The following CYP27B1 variants were observed in gnomAD, a reference collection of about 807,000 sequenced individuals.
CYP27B1 encodes cytochrome P450 family 27 subfamily B member 1.
A neutral mutation model predicts 54.8 loss-of-function variants in CYP27B1; 46 were observed. That is an observed-to-expected ratio of 0.84 (90% CI 0.66 to 1.07). The LOEUF (loss-of-function observed/expected upper bound fraction) is 1.07. CYP27B1 is among the 50% of genes least tolerant of loss of function. The pLI, the probability that CYP27B1 is intolerant of heterozygous loss-of-function variation, is 0.00. For synonymous variants in CYP27B1, 292 were observed against 297.3 expected, an observed-to-expected ratio of 0.98 and a Z score of 0.18; for missense variants, 674 against 692.2, an observed-to-expected ratio of 0.97 and a Z score of 0.30.
chr12:57,763,942 A>G, intron 7 of CYP27B1, 134 bp from the exon 8 acceptor site: 2 of 1,081,526 alleles, frequency 1.8e-6, no homozygotes, highest in Non-Finnish European at 2.8e-6. Context: ...TTTTGGAAGG[A>G]TCTCCCCACT....
At position 57,765,644 on chromosome 12, in the gene CYP27B1, C is replaced by T. The variant is rs760297586; in HGVS notation, c.387-145G>A. On this transcript the variant is annotated intron_variant, in intron 2 of 8. Transcript: ENST00000228606. This position sits in a 1 kb window ranked among gnomAD's most constrained non-coding sequence, Gnocchi z 5.8. Reference sequence around the variant, plus strand: ...GGGTACGGAAACCTGCACCGGCCTGCGCCTGTCTTCCAGCCCCCTTCCTCT... The same window carrying T: ...GGGTACGGAAACCTGCACCGGCCTGTGCCTGTCTTCCAGCCCCCTTCCTCT... 2 of 967,310 alleles carry T rather than the reference C, an allele frequency of 2.1e-6. No homozygotes were observed. Among genetic ancestry groups the T allele is most frequent in the Admixed American group, 2.0e-5 (1 of 50,252 alleles). The allele number at this position is 967,310 out of a possible 1,614,324, so 59.9% of individuals were successfully genotyped here. A position where few individuals can be genotyped will look rare whatever the true frequency, so the allele number is the denominator to read the frequency against.
At chr12:57,764,590 G>C in intron 5 of CYP27B1, 40 bp from the exon 6 acceptor site, 1 of 1,608,542 alleles carries the variant, frequency 6.2e-7, no homozygotes, top group Non-Finnish European at 8.5e-7. Context: ...TTGGGTGTGA[G>C]AACCCAGCAG....
intron 1 of CYP27B1, 147 bp from the exon 2 acceptor site, chr12:57,766,344 T>G: frequency 9.4e-7 from 1 of 1,063,828 alleles, no homozygotes; most frequent in Non-Finnish European, 1.3e-6. Context: ...CCTTTGATAC[T>G]GCAAACTCCT....
At position 57,764,867 on chromosome 12, in the gene CYP27B1, C is replaced by T. The variant is rs1338661449; in HGVS notation, c.850G>A (p.Glu284Lys). The T allele has an allele frequency of 1.2e-6, 2 of 1,614,072 alleles. No homozygotes were observed. The highest frequency in any genetic ancestry group is 1.7e-6 in the Non-Finnish European group (2 of 1,180,050). ...EAAMRNGGQP[E>K]KDLESGAHLT... ...TGCGCCCCAGACTCCAGGTCCTTCT[C>T]GGGCTGTCCTCCGTTCCTCATGGCT... Residue 284 changes from glutamate (E) to lysine (K), a missense_variant, in exon 5 of 9, where the codon GAG becomes AAG. Physicochemically the swap from Glu to Lys is moderately conservative, Grantham distance 56. Coordinates refer to ENST00000228606, the MANE Select transcript of CYP27B1 (RefSeq NM_000785.4).
rs1184786216 is a variant in CYP27B1, at chr12:57,764,526, G to T, written c.988C>A (p.Leu330Met). 4 of 1,614,146 alleles carry T rather than the reference G, an allele frequency of 2.5e-6. No individual in the cohort carries two copies. In the African/African-American group the frequency reaches 5.3e-5, roughly 22 times the overall value. Residue 330 changes from leucine (L) to methionine (M), a missense_variant, in exon 6 of 9, where the codon CTG becomes ATG. Coordinates refer to ENST00000228606, the MANE Select transcript of CYP27B1 (RefSeq NM_000785.4). Reference protein sequence around the residue: ...DTVSNTLSWALYELSRHPEVQ... With the variant: ...DTVSNTLSWAMYELSRHPEVQ... ...TCGGGGTGCCGGGAGAGCTCATACA[G>T]AGCCCAAGAGAGCGTGTTGGACACC...
In CYP27B1 at chr12:57,763,227, T is replaced by C. The variant is rs772383081; in HGVS notation, c.1442A>G (p.Glu481Gly). The change falls in exon 9 of 9, where the codon GAG becomes GGG. Residue 481 changes from glutamate (E) to glycine (G), a missense_variant. Physicochemically the swap from Glu to Gly is moderately conservative, Grantham distance 98. Coordinates refer to ENST00000228606, the MANE Select transcript of CYP27B1 (RefSeq NM_000785.4). ...QILTHFEVQPEPGAAPVRPKT... is the reference protein window; with the variant it reads ...QILTHFEVQPGPGAAPVRPKT... ...GGGTCTAACTGGGGCCGCACCTGGC[T>C]CAGGCTGCACCTCAAAATGTGTTAG... The C allele has an allele frequency of 6.2e-7, 1 of 1,614,134 alleles. No homozygotes were observed. Among genetic ancestry groups the C allele is most frequent in the Non-Finnish European group, 8.5e-7 (1 of 1,179,994 alleles).
rs1459636120 is a variant in CYP27B1 at position 57,765,357 on chromosome 12, T to TGCCACGTCCCCGC, written c.516_528dup (p.Thr177AlafsTer160). ...TCCCGAACCAGGGCGGGCGGCCCCG[T>TGCCACGTCCCCGC]GCCACGTCCCCGCTGGCGCCTCAGA... On this transcript the variant is annotated frameshift_variant, in exon 3 of 9. Coordinates refer to ENST00000228606, the MANE Select transcript of CYP27B1 (RefSeq NM_000785.4). LOFTEE classifies it high-confidence loss of function. The surrounding 1 kb of genome is among the most constrained non-coding windows in gnomAD (Gnocchi z 5.8). 1.6e-5 allele frequency: 26 copies of TGCCACGTCCCCGC among 1,613,290 alleles called. No individual in the cohort carries two copies. Among genetic ancestry groups the TGCCACGTCCCCGC allele is most frequent in the Non-Finnish European group, 2.0e-5 (24 of 1,179,814 alleles).
intron 1 of CYP27B1, chr12:57,766,610 A>C: frequency 3.3e-6 from 2 of 597,194 alleles, no homozygotes; most frequent in Non-Finnish European, 5.9e-6. Context: ...TATCTGCAGG[A>C]TCTCCACACC....
Position 57,765,113 on chromosome 12 carries a change from C to G in CYP27B1, c.688G>C (p.Val230Leu), listed in dbSNP as rs1382758029. Reference protein sequence around the residue: ...TFIRAVGSVFVSTLLTMAMPH... With the variant: ...TFIRAVGSVFLSTLLTMAMPH... ...ATCGCCATGGTCAACAGCGTGGACA[C>G]AAACACCGAGCCCACAGCGCGGATG... is the stretch of plus-strand genomic sequence containing the variant. Residue 230 changes from valine to leucine, a missense_variant, in exon 4 of 9, where the codon GTG becomes CTG. Val to Leu is a conservative substitution (Grantham distance 32). Transcript: ENST00000228606. The surrounding 1 kb of genome is among the most constrained non-coding windows in gnomAD (Gnocchi z 5.8). The G allele has an allele frequency of 1.9e-6, 3 of 1,613,898 alleles. No individual in the cohort carries two copies. The highest frequency in any genetic ancestry group is 3.3e-5 in the Admixed American group (2 of 60,014).
Position 57,765,023 on chromosome 12 carries a change from T to A in CYP27B1, c.778A>T (p.Met260Leu). The A allele has an allele frequency of 1.9e-6, 3 of 1,613,820 alleles. No individual in the cohort carries two copies. The highest frequency in any genetic ancestry group is 2.5e-6 in the Non-Finnish European group (3 of 1,180,012). The stretch of plus-strand genomic sequence containing the variant: ...ACCTGTGCCTTACCAAATGCAAACA[T>A]CTGGTCCCAGTCTCGGCAGAGGCGG... ...WGRLCRDWDQ[M>L]FAFAQRHVER... The change falls in exon 4 of 9, where the codon ATG becomes TTG. Residue 260 changes from methionine to leucine, a missense_variant. Coordinates refer to ENST00000228606, the MANE Select transcript of CYP27B1 (RefSeq NM_000785.4). This position sits in a 1 kb window ranked among gnomAD's most constrained non-coding sequence, Gnocchi z 5.8.
In CYP27B1 at chr12:57,765,223, G is replaced by C; in HGVS notation, c.590-12C>G. 6.2e-7 allele frequency: 1 copy of C among 1,611,772 alleles called. No individual in the cohort carries two copies. Among genetic ancestry groups the C allele is most frequent in the Non-Finnish European group, 8.5e-7 (1 of 1,179,192 alleles). On this transcript the variant is annotated splice_polypyrimidine_tract_variant and intron_variant, in intron 3 of 8. Transcript: ENST00000228606. This position sits in a 1 kb window ranked among gnomAD's most constrained non-coding sequence, Gnocchi z 5.8. ...AACCGCGGCGATGCCTTGTCGGGAG[G>C]GGGCGCCGTCAGGGTTCCGGGAGGC...
In CYP27B1 at chr12:57,766,152, CA is replaced by C. The variant is rs1363167632; in HGVS notation, c.240del (p.Phe80LeufsTer79). Reference protein sequence around the residue: ...AHFGPVWLASFGTVRTVYVAA... With the variant: ...AHFGPVWLASXGTVRTVYVAA... ...GCCACGTACACGGTGCGCACTGTCC[CA>C]AAGCTGGCTAGCCACACCGGCCCGA... On this transcript the variant is annotated frameshift_variant, in exon 2 of 9. Transcript: ENST00000228606. LOFTEE classifies it high-confidence loss of function. The C allele has an allele frequency of 1.3e-6, 2 of 1,546,926 alleles. No homozygotes were observed. Among genetic ancestry groups the C allele is most frequent in the South Asian group, 2.4e-5 (2 of 84,282 alleles).
chr12:57,765,329 A>G lies in CYP27B1; in HGVS notation c.557T>C (p.Val186Ala). The change falls in exon 3 of 9, where the codon GTG (valine) becomes GCG (alanine). Residue 186 changes from valine (V) to alanine (A), a missense_variant. Coordinates refer to ENST00000228606, the MANE Select transcript of CYP27B1 (RefSeq NM_000785.4). This position sits in a 1 kb window ranked among gnomAD's most constrained non-coding sequence, Gnocchi z 5.8. ...GTGPPALVRD[V>A]AGEFYKFGLE... ...TCCGAACTTGTAAAATTCCCCCGCC[A>G]CGTCCCGAACCAGGGCGGGCGGCCC... The G allele has an allele frequency of 6.2e-7, 1 of 1,613,358 alleles. No individual in the cohort carries two copies. Among genetic ancestry groups the G allele is most frequent in the Non-Finnish European group, 8.5e-7 (1 of 1,179,814 alleles).
At position 57,764,740 on chromosome 12, in the gene CYP27B1, A is replaced by T. The variant is rs770031341; in HGVS notation, c.963+14T>A. The T allele has an allele frequency of 3.1e-6, 5 of 1,613,962 alleles. No individual in the cohort carries two copies. The highest frequency in any genetic ancestry group is 8.5e-7 in the Non-Finnish European group (1 of 1,179,914). On this transcript the variant is annotated intron_variant, in intron 5 of 8. Transcript: ENST00000228606. Reference sequence around the variant, plus strand: ...GCCCTGGAACCGGCTCACAGCACGGAGGGAGAACCTCACCGTGTCCACTCC... The same window carrying T: ...GCCCTGGAACCGGCTCACAGCACGGTGGGAGAACCTCACCGTGTCCACTCC...
Position 57,764,868 on chromosome 12 carries a change from G to C in CYP27B1, c.849C>G (p.Pro283=). The C allele has an allele frequency of 1.9e-6, 3 of 1,614,138 alleles. No individual in the cohort carries two copies. Among genetic ancestry groups the C allele is most frequent in the Non-Finnish European group, 2.5e-6 (3 of 1,180,030 alleles). Residue 283 remains proline (P), a synonymous_variant, in exon 5 of 9, where the codon CCC becomes CCG. Transcript: ENST00000228606. ...GCGCCCCAGACTCCAGGTCCTTCTC[G>C]GGCTGTCCTCCGTTCCTCATGGCTG... The part of the protein sequence containing the change: ...AEAAMRNGGQ[P]EKDLESGAHL...
intron 7 of CYP27B1, 28 bp downstream of exon 7, chr12:57,764,070 G>A: frequency 6.4e-7 from 1 of 1,564,248 alleles, no homozygotes; most frequent in Non-Finnish European, 8.8e-7. Flanking sequence ...GAATGGCTCA[G>A]TAGAAAGGGT....
chr12:57,763,305 G>A, intron 8 of CYP27B1, 50 bp from the exon 9 acceptor site: 1 of 1,331,530 alleles, frequency 7.5e-7, no homozygotes, highest in Non-Finnish European at 1.1e-6. Flanking sequence ...CTATAATGGG[G>A]GGATTCATTG....
In CYP27B1 at chr12:57,765,572, C is replaced by T. The variant is rs531437421; in HGVS notation, c.387-73G>A. On this transcript the variant is annotated intron_variant, in intron 2 of 8. Transcript: ENST00000228606. This position sits in a 1 kb window ranked among gnomAD's most constrained non-coding sequence, Gnocchi z 5.8. Reference sequence around the variant, plus strand: ...GACGGGACTGGCTGCAGTGAAGGAGCGCGTTCGGCTGCGGTGGCCAGGAGA... The same window carrying T: ...GACGGGACTGGCTGCAGTGAAGGAGTGCGTTCGGCTGCGGTGGCCAGGAGA... 2.7e-6 allele frequency: 4 copies of T among 1,474,082 alleles called. No individual in the cohort carries two copies. Among genetic ancestry groups the T allele is most frequent in the Admixed American group, 3.9e-5 (2 of 51,066 alleles). The allele number at this position is 1,474,082 out of a possible 1,614,324, so 91.3% of individuals were successfully genotyped here. A position where few individuals can be genotyped will look rare whatever the true frequency, so the allele number is the denominator to read the frequency against.
rs1469372827 is a variant in CYP27B1, at chr12:57,762,479, C to T, written c.*663G>A. 1 of 155,222 alleles carries T rather than the reference C, an allele frequency of 6.4e-6. No individual in the cohort carries two copies. The highest frequency in any genetic ancestry group is 1.4e-5 in the Non-Finnish European group (1 of 69,860). The allele number at this position is 155,222 out of a possible 1,614,324, so 9.6% of individuals were successfully genotyped here. On this transcript the variant is annotated 3_prime_UTR_variant, in exon 9 of 9. Transcript: ENST00000228606. ...TGGGGCAAACCCACTTAATAGTGGC[C>T]AGAGAGCAAAGGAGAGTTATAAGAA...
Sources: gnomAD v4.1 joint callset for allele counts on GRCh38, gnomAD v4.1.1 for gene constraint, Gnocchi (gnomAD v3.1) non-coding constraint, MANE v1.5 for transcripts, NCBI Gene and HGNC (gene_info 2026-07-23, HGNC 2026-07-21) for gene names.